The following DNAAF5 variants were observed in gnomAD, a reference collection of about 807,000 sequenced individuals.
The protein encoded by DNAAF5 is dynein axonemal assembly factor 5.
A neutral mutation model predicts 75.8 loss-of-function variants in DNAAF5; 64 were observed. The ratio of observed to expected loss-of-function variants is 0.84; its 90% CI spans 0.69 to 1.04. The LOEUF (loss-of-function observed/expected upper bound fraction) is 1.04. Ranked by LOEUF, DNAAF5 falls within the 50% of genes least tolerant of loss-of-function variation. The pLI, the probability that DNAAF5 is intolerant of heterozygous loss-of-function variation, is 0.00. For synonymous variants in DNAAF5, 657 were observed against 557.2 expected (o/e 1.18, Z -2.52); for missense variants, 1,269 against 1,178.5 (o/e 1.08, Z -1.12).
intron 2 of DNAAF5, among the ~76,000 whole-genome samples, chr7:731,616 C>T (rs1226333812): frequency 1.3e-5 from 2 of 152,094 alleles, no homozygotes; most frequent in East Asian, 3.8e-4. Context: ...CAGCCCGGGA[C>T]GGCTTTGAAT....
intron 11 of DNAAF5, among the ~76,000 whole-genome samples, chr7:777,517 T>G: frequency 7.3e-6 from 1 of 136,264 alleles, no homozygotes; most frequent in African/African-American, 2.7e-5. Context: ...TGACACGGAA[T>G]GGTGTGCTGG....
intron 11 of DNAAF5, among the ~76,000 whole-genome samples, chr7:779,031 C>G (rs539553254): frequency 1.7e-3 from 263 of 152,386 alleles, no homozygotes; most frequent in African/African-American, 5.8e-3. Context: ...CAGGGAAGTG[C>G]CTGGGCATCT....
intron 8 of DNAAF5, chr7:768,707 CG>C (rs1248148485): frequency 6.1e-6 from 1 of 163,798 alleles, no homozygotes; most frequent in Non-Finnish European, 1.3e-5. Flanking sequence ...AAGGCAGACA[CG>C]TGGCCCAGGC....
intron 6 of DNAAF5, among the ~76,000 whole-genome samples, chr7:758,753 G>A (rs558179871): frequency 6.6e-6 from 1 of 152,120 alleles, no homozygotes; most frequent in South Asian, 2.1e-4. Flanking sequence ...CGCAATCTTG[G>A]CTCACTGCAG....
intron 8 of DNAAF5, among the ~76,000 whole-genome samples, chr7:767,097 G>A (rs949546179): frequency 2.0e-5 from 3 of 152,214 alleles, no homozygotes; most frequent in Non-Finnish European, 4.4e-5. Flanking sequence ...AAATTAGCTG[G>A]GTGCGGTGGC....
Position 727,308 on chromosome 7 carries a change from C to T in DNAAF5, c.588C>T (p.Ala196=). Residue 196 remains alanine, a synonymous_variant, in exon 1 of 13, where the codon GCC becomes GCT. Transcript: ENST00000297440. ...SCSCAAALAQ[A]TPDHFHMQSE... ...GCTGCGCCGCCGCCCTGGCGCAGGC[C>T]ACGCCCGGTGAGCACCCCGGGCCCC... 7.8e-7 allele frequency: 1 copy of T among 1,289,134 alleles called. No individual in the cohort carries two copies. 79.9% of individuals were successfully genotyped at this position (1,289,134 alleles called of 1,614,324 possible).
At chr7:746,686 C>G (rs1782124003) in intron 4 of DNAAF5, among the ~76,000 whole-genome samples, 1 of 151,880 alleles carries the variant, frequency 6.6e-6, no homozygotes, top group South Asian at 2.1e-4. Context: ...TCCTGCCACC[C>G]CCTGCCCACC....
chr7:736,889 T>C (rs1291110438), intron 2 of DNAAF5, among the ~76,000 whole-genome samples: 1 of 152,082 alleles, frequency 6.6e-6, no homozygotes, highest in Non-Finnish European at 1.5e-5. Context: ...TATTTGAAGT[T>C]ACCATGAGGC....
chr7:766,959 G>A (rs896644917), intron 8 of DNAAF5, among the ~76,000 whole-genome samples: 2 of 150,544 alleles, frequency 1.3e-5, no homozygotes, highest in Non-Finnish European at 3.0e-5. Flanking sequence ...GTAGGGTCCC[G>A]CTGGGCGTGG....
At position 782,467 on chromosome 7, in the gene DNAAF5, G is replaced by A. The variant is rs1277468400; in HGVS notation, c.2431+2323G>A. On this transcript the variant is annotated intron_variant, in intron 12 of 12. Coordinates refer to ENST00000297440, the MANE Select transcript of DNAAF5 (RefSeq NM_017802.4). ...CTGGTGTGGCCGCCTCCCGTCACGC[G>A]GCGTCAGAAACTCGGATCTTCCCGG... Among the ~76,000 whole-genome samples the A allele has an allele frequency of 6.2e-4, 79 of 128,278 alleles. 1 individual carries two copies. The highest frequency in any genetic ancestry group is 2.3e-3 in the African/African-American group (73 of 31,144). The allele number at this position is 128,278 out of a possible 152,430, so 84.2% of individuals were successfully genotyped here.
At chr7:784,946 T>A (rs563614248) in intron 12 of DNAAF5, among the ~76,000 whole-genome samples, 1 of 152,132 alleles carries the variant, frequency 6.6e-6, no homozygotes, top group Non-Finnish European at 1.5e-5. Flanking sequence ...GTTCCTCATA[T>A]TCACATAGTG....
At position 726,753 on chromosome 7, in the gene DNAAF5, G is replaced by A. The variant is rs1781308538; in HGVS notation, c.33G>A (p.Ala11=). The A allele has an allele frequency of 1.6e-6, 2 of 1,246,948 alleles. No homozygotes were observed. The highest frequency in any genetic ancestry group is 3.1e-5 in the East Asian group (1 of 31,762). The allele number at this position is 1,246,948 out of a possible 1,614,324, so 77.2% of individuals were successfully genotyped here. Residue 11 remains alanine (A), a synonymous_variant, in exon 1 of 13, where the codon GCG becomes GCA. Transcript: ENST00000297440. ...CGCTGGGGGTGGCGGAGGCCGTGGC[G>A]GCCCCACACCCGGCTGAGGGGGCCG... MAALGVAEAV[A]APHPAEGAET...
At chr7:771,955 T>A (rs1583514890) in intron 9 of DNAAF5, 1 of 48,228 alleles carries the variant, frequency 2.1e-5, no homozygotes, top group African/African-American at 7.2e-5. Context: ...ATAGGAAAGA[T>A]TTTTTTTTTT....
intron 4 of DNAAF5, among the ~76,000 whole-genome samples, chr7:753,785 A>G (rs1782387155): frequency 8.7e-6 from 1 of 114,724 alleles, no homozygotes; most frequent in African/African-American, 3.7e-5. Flanking sequence ...TGTCTCTCTC[A>G]TCATATGGCG....
chr7:770,468 C>CA lies in DNAAF5; in HGVS notation c.1784-2dup. 1 of 1,612,418 alleles carries CA rather than the reference C, an allele frequency of 6.2e-7. No individual in the cohort carries two copies. The highest frequency in any genetic ancestry group is 8.5e-7 in the Non-Finnish European group (1 of 1,179,450). ...GCACAGGAGCCTCTGTTGTGTCTTA[C>CA]AGGCCCTGCCCTGGGAGAAGCCCTG... is the stretch of plus-strand genomic sequence containing the variant. On this transcript the variant is annotated splice_region_variant and splice_polypyrimidine_tract_variant and intron_variant, in intron 8 of 12. Coordinates refer to ENST00000297440, the MANE Select transcript of DNAAF5 (RefSeq NM_017802.4).
intron 9 of DNAAF5, 192 bp downstream of exon 9, chr7:770,810 C>T: frequency 1.8e-6 from 1 of 555,688 alleles, no homozygotes; most frequent in South Asian, 2.6e-5. Context: ...CCTCCCTCCC[C>T]CACGCCGAGT....
chr7:785,773 C>G lies in DNAAF5; in HGVS notation c.*120C>G. ...GTGAGACTGTGACAGCAAGAATGTA[C>G]TCCTCAGGACACCTGCCCACTCTTT... On this transcript the variant is annotated 3_prime_UTR_variant, in exon 13 of 13. Transcript: ENST00000297440. 2 of 1,139,586 alleles carry G rather than the reference C, an allele frequency of 1.8e-6. No homozygotes were observed. The highest frequency in any genetic ancestry group is 1.2e-6 in the Non-Finnish European group (1 of 817,830). 70.6% of individuals were successfully genotyped at this position (1,139,586 alleles called of 1,614,324 possible). A position where few individuals can be genotyped will look rare whatever the true frequency, so the allele number is the denominator to read the frequency against.
At chr7:755,326 C>A in intron 5 of DNAAF5, among the ~76,000 whole-genome samples, 1 of 152,230 alleles carries the variant, frequency 6.6e-6, no homozygotes, top group Middle Eastern at 3.4e-3. Flanking sequence ...GTTATCGCCT[C>A]GTCACCACTG....
At chr7:773,996 C>T in intron 9 of DNAAF5, 52 bp from the exon 10 acceptor site, 3 of 1,609,884 alleles carry the variant, frequency 1.9e-6, no homozygotes, top group Non-Finnish European at 2.6e-6. Context: ...TGAAACGTTT[C>T]TTCCGAGCAC....
Sources: gnomAD v4.1 joint callset for allele counts (sites outside exome capture counted in the v4.1 genomes callset) on GRCh38, gnomAD v4.1.1 for gene constraint, MANE v1.5 for transcripts, NCBI Gene and HGNC (gene_info 2026-07-23, HGNC 2026-07-21) for gene names.